The following PTPRD variants were observed in gnomAD, a reference collection of about 807,000 sequenced individuals.
The protein encoded by PTPRD is receptor-type tyrosine-protein phosphatase delta.
Under a neutral mutation model 214.5 loss-of-function variants are expected in PTPRD, and 34 were observed. The observed-to-expected ratio is 0.16, with a 90% CI of 0.12 to 0.21. PTPRD has a LOEUF of 0.21. PTPRD is among the 10% of genes least tolerant of loss of function. The pLI is 1.00. For missense variants in PTPRD, 2,545 were observed against 2,398.7 expected (o/e 1.06, Z -1.27); for synonymous variants, 1,128 against 845.7 (o/e 1.33, Z -5.79).
At chr9:9,998,792 G>A (rs765546425) in intron 4 of PTPRD, among the ~76,000 whole-genome samples, 148 of 152,276 alleles carry the variant, frequency 9.7e-4, no homozygotes, top group Non-Finnish European at 1.6e-3. Flanking sequence ...TGAGATAAGC[G>A]AGGGAAAGGT....
At position 8,341,988 on chromosome 9, in the gene PTPRD, A is replaced by C; in HGVS notation, c.4662-10T>G. The C allele has an allele frequency of 6.3e-7, 1 of 1,582,600 alleles. No individual in the cohort carries two copies. Among genetic ancestry groups the C allele is most frequent in the Non-Finnish European group, 8.6e-7 (1 of 1,167,776 alleles). ...CCGGCCAACTCCCGCACTATGAGGA[A>C]AATAGAGAAGAAAAGCCCAAATAAA... On this transcript the variant is annotated splice_polypyrimidine_tract_variant and intron_variant, in intron 39 of 45. Coordinates refer to ENST00000381196, the MANE Select transcript of PTPRD (RefSeq NM_002839.4).
In PTPRD at chr9:9,392,197, G is replaced by C. The variant is rs565753134; in HGVS notation, c.-203+5252C>G. Among the ~76,000 whole-genome samples the C allele has an allele frequency of 5.3e-5, 8 of 152,296 alleles. No individual in the cohort carries two copies. The South Asian group carries it at 1.7e-3, about 32-fold the overall frequency. ...CAGCGAGAGCAGTGTGCTACATACA[G>C]TAATCTGGGCACATTGATGACCGCA... On this transcript the variant is annotated intron_variant, in intron 9 of 45. Coordinates refer to ENST00000381196, the MANE Select transcript of PTPRD (RefSeq NM_002839.4).
chr9:8,823,556 C>T (rs910108022), intron 11 of PTPRD, among the ~76,000 whole-genome samples: 3 of 151,918 alleles, frequency 2.0e-5, no homozygotes, highest in Admixed American at 1.3e-4. Flanking sequence ...GAGGCTAAGG[C>T]GGGAAGATCA....
At chr9:9,938,253 C>A (rs1239518131) in intron 5 of PTPRD, among the ~76,000 whole-genome samples, 1 of 152,080 alleles carries the variant, frequency 6.6e-6, no homozygotes, top group African/African-American at 2.4e-5. Context: ...TATTTTGATC[C>A]TCAGTTCAGA....
chr9:10,575,942 A>G (rs1272551990), intron 2 of PTPRD, among the ~76,000 whole-genome samples: 1 of 152,128 alleles, frequency 6.6e-6, no homozygotes, highest in Non-Finnish European at 1.5e-5. Flanking sequence ...ATTTTTTTTA[A>G]GAGTAGAACA....
At chr9:10,022,644 A>G (rs1343494884) in intron 4 of PTPRD, among the ~76,000 whole-genome samples, 1 of 152,214 alleles carries the variant, frequency 6.6e-6, no homozygotes, top group Non-Finnish European at 1.5e-5. Context: ...TGAGTATTTC[A>G]TTCTAAACTA....
intron 5 of PTPRD, among the ~76,000 whole-genome samples, chr9:9,881,624 C>A (rs547697755): frequency 1.3e-5 from 2 of 152,188 alleles, no homozygotes; most frequent in South Asian, 4.1e-4. Flanking sequence ...GCTTTGGGGG[C>A]ATAGCAAAGA....
chr9:8,681,864 A>G (rs1166937417), intron 12 of PTPRD, among the ~76,000 whole-genome samples: 1 of 152,184 alleles, frequency 6.6e-6, no homozygotes, highest in East Asian at 1.9e-4. Flanking sequence ...AAAATACATA[A>G]TATCTACTGT....
intron 12 of PTPRD, among the ~76,000 whole-genome samples, chr9:8,643,879 G>A (rs1396627386): frequency 6.6e-6 from 1 of 152,224 alleles, no homozygotes; most frequent in African/African-American, 2.4e-5. Context: ...AGGCTCCTGG[G>A]CAGAAGGGGA....
chr9:8,431,493 G>T (rs1340611660), intron 35 of PTPRD, among the ~76,000 whole-genome samples: 1 of 152,040 alleles, frequency 6.6e-6, no homozygotes, highest in Non-Finnish European at 1.5e-5. Context: ...AATTTCTAGG[G>T]GCTGCAGTTG....
In PTPRD at chr9:9,810,726, C is replaced by A. The variant is rs531514078; in HGVS notation, c.-367-43875G>T. Among the ~76,000 whole-genome samples the A allele has an allele frequency of 2.1e-4, 32 of 152,102 alleles. No individual in the cohort carries two copies. The South Asian group carries it at 3.5e-3, about 17-fold the overall frequency. ...ATCAATGTTTTTATGCCTGCTAACA[C>A]AATATCCATACTGCAACCCATGAAT... On this transcript the variant is annotated intron_variant, in intron 5 of 45. Transcript: ENST00000381196.
At chr9:8,512,951 G>C (rs1236801441) in intron 21 of PTPRD, among the ~76,000 whole-genome samples, 3 of 151,828 alleles carry the variant, frequency 2.0e-5, no homozygotes, top group Non-Finnish European at 4.4e-5. Flanking sequence ...TATGCTTTTG[G>C]TACAATTACC....
At chr9:10,442,893 T>C (rs1003055578) in intron 2 of PTPRD, among the ~76,000 whole-genome samples, 4 of 151,558 alleles carry the variant, frequency 2.6e-5, no homozygotes, top group African/African-American at 9.7e-5. Flanking sequence ...CTTGAAAAAC[T>C]GACAAATTAC....
At position 9,370,014 on chromosome 9, in the gene PTPRD, C is replaced by A. The variant is rs183822812; in HGVS notation, c.-203+27435G>T. On this transcript the variant is annotated intron_variant, in intron 9 of 45. Coordinates refer to ENST00000381196, the MANE Select transcript of PTPRD (RefSeq NM_002839.4). ...TACCACGATGTTTTCGTTACTGTAG[C>A]CTTGTAGTATAGTTTGAAGTCAGGT... Among the ~76,000 whole-genome samples, 1,297 of 152,220 alleles carry A rather than the reference C, an allele frequency of 8.5e-3. 7 individuals carry two copies. The highest frequency in any genetic ancestry group is 0.014 in the Non-Finnish European group (950 of 68,024).
rs567524744 is a variant in PTPRD, at chr9:9,525,398, C to G, written c.-237+49334G>C. On this transcript the variant is annotated intron_variant, in intron 8 of 45. Transcript: ENST00000381196. ...TTGCTAATCTTCAGTATACTGCAATCGATGTTCCTTTTACATAAAGTAAAA... is the reference window on the plus strand; with the variant it reads ...TTGCTAATCTTCAGTATACTGCAATGGATGTTCCTTTTACATAAAGTAAAA... Among the ~76,000 whole-genome samples the G allele has an allele frequency of 5.9e-5, 9 of 152,096 alleles. No homozygotes were observed. In the South Asian group the frequency reaches 1.5e-3, roughly 25 times the overall value.
intron 3 of PTPRD, among the ~76,000 whole-genome samples, chr9:10,237,822 G>A (rs1244898073): frequency 2.6e-5 from 4 of 151,942 alleles, no homozygotes; most frequent in Non-Finnish European, 5.9e-5. Flanking sequence ...TAGTGTCCAT[G>A]TTGGACCAGA....
chr9:10,357,788 A>G (rs1024950992), intron 2 of PTPRD, among the ~76,000 whole-genome samples: 73 of 152,336 alleles, frequency 4.8e-4, no homozygotes, highest in African/African-American at 1.7e-3. Flanking sequence ...GGCACTAAGT[A>G]TATGCAATGA....
intron 37 of PTPRD, among the ~76,000 whole-genome samples, chr9:8,378,806 G>T (rs2084040010): frequency 6.6e-6 from 1 of 151,974 alleles, no homozygotes; most frequent in Non-Finnish European, 1.5e-5. Context: ...CTTCTAGTGA[G>T]GTAAGAAAAG....
intron 11 of PTPRD, among the ~76,000 whole-genome samples, chr9:8,835,779 C>T (rs79214051): frequency 6.6e-6 from 1 of 152,140 alleles, no homozygotes; most frequent in Non-Finnish European, 1.5e-5. Context: ...CTCAAGTGAT[C>T]CTCCCTCCTC....
Sources: gnomAD v4.1 joint callset for allele counts (sites outside exome capture counted in the v4.1 genomes callset) on GRCh38, gnomAD v4.1.1 for gene constraint, MANE v1.5 for transcripts, NCBI Gene and HGNC (gene_info 2026-07-23, HGNC 2026-07-21) for gene names.